The following NPR3 variants were observed in gnomAD, a reference collection of about 807,000 sequenced individuals.
NPR3 encodes the protein atrial natriuretic peptide receptor 3.
In NPR3, 34 loss-of-function variants were observed where a neutral mutation model predicts 54.5. The observed-to-expected ratio is 0.62, with a 90% CI of 0.47 to 0.83. The LOEUF (loss-of-function observed/expected upper bound fraction) is 0.83. NPR3 is among the 40% of genes least tolerant of loss of function. The pLI is 0.00. For synonymous variants in NPR3, 289 were observed against 297.1 expected (o/e 0.97, Z 0.28); for missense variants, 674 against 720.8 (o/e 0.94, Z 0.74).
chr5:32,701,452 T>A (rs1737795916), intron 1 of NPR3, among the ~76,000 whole-genome samples: 1 of 152,250 alleles, frequency 6.6e-6, no homozygotes, highest in African/African-American at 2.4e-5. Flanking sequence ...TCAAAACAGC[T>A]ATTTTGAATT....
At chr5:32,748,418 T>C (rs1740409945) in intron 3 of NPR3, among the ~76,000 whole-genome samples, 2 of 141,164 alleles carry the variant, frequency 1.4e-5, no homozygotes, top group African/African-American at 5.3e-5. Context: ...AAGCCAGAGA[T>C]TAGCAACAGC....
chr5:32,713,449 T>G (rs1738374269), intron 1 of NPR3: 2 of 985,320 alleles, frequency 2.0e-6, no homozygotes, highest in Non-Finnish European at 1.2e-6. Flanking sequence ...GGGTAGAATC[T>G]GAGGGAAGGC....
intron 1 of NPR3, among the ~76,000 whole-genome samples, chr5:32,722,223 C>T (rs767103616): frequency 6.6e-5 from 10 of 152,238 alleles, no homozygotes; most frequent in Non-Finnish European, 1.5e-4. Context: ...GGTCCTTGGA[C>T]CCTGGCTGTT....
intron 1 of NPR3, among the ~76,000 whole-genome samples, chr5:32,699,930 A>G (rs533481010): frequency 6.6e-6 from 1 of 152,182 alleles, no homozygotes; most frequent in South Asian, 2.1e-4. Context: ...AAAATCTTTA[A>G]TTTTCTTTCA....
intron 1 of NPR3, among the ~76,000 whole-genome samples, chr5:32,721,575 A>T (rs1361337164): frequency 2.0e-5 from 3 of 152,100 alleles, no homozygotes; most frequent in Non-Finnish European, 4.4e-5. Flanking sequence ...AGCCCAGGAG[A>T]TGGAGGTTGC....
At chr5:32,760,116 T>C (rs1741077809) in intron 3 of NPR3, among the ~76,000 whole-genome samples, 1 of 150,334 alleles carries the variant, frequency 6.7e-6, no homozygotes, top group Admixed American at 6.8e-5. Context: ...TATTCTTCTG[T>C]TGATGGATGT....
chr5:32,772,329 T>TA (rs529225523), intron 3 of NPR3, among the ~76,000 whole-genome samples: 143 of 152,320 alleles, frequency 9.4e-4, no homozygotes, highest in Middle Eastern at 3.4e-3. Flanking sequence ...AACCTCCACT[T>TA]AACAGATGAG....
intron 1 of NPR3, among the ~76,000 whole-genome samples, chr5:32,720,675 A>C (rs571541629): frequency 1.1e-4 from 17 of 152,332 alleles, no homozygotes; most frequent in African/African-American, 3.8e-4. Context: ...AATGCGACCC[A>C]AAATTAATAT....
chr5:32,728,699 GA>G (rs1387837779), intron 2 of NPR3, among the ~76,000 whole-genome samples: 1 of 150,954 alleles, frequency 6.6e-6, no homozygotes, highest in Non-Finnish European at 1.5e-5. Flanking sequence ...CTTCTATAAT[GA>G]AATAATTTCA....
At position 32,788,438 on chromosome 5, in the gene NPR3, CTT is replaced by C. The variant is rs1742745942; in HGVS notation, c.*2094_*2095del. On this transcript the variant is annotated 3_prime_UTR_variant, in exon 8 of 8. Transcript: ENST00000265074. ...CATCTTACTTACTTGAATTGGAGAGCTTGTTTCTCTCTCATTTTTATTTTTCA... is the reference window on the plus strand; with the variant it reads ...CATCTTACTTACTTGAATTGGAGAGCGTTTCTCTCTCATTTTTATTTTTCA... The C allele has an allele frequency of 6.6e-6, 1 of 152,122 alleles. No individual in the cohort carries two copies. The highest frequency in any genetic ancestry group is 1.5e-5 in the Non-Finnish European group (1 of 68,020). 9.4% of individuals were successfully genotyped at this position (152,122 alleles called of 1,614,324 possible).
chr5:32,710,583 C>T, upstream of NPR3: 3 of 1,386,680 alleles, frequency 2.2e-6, no homozygotes, highest in South Asian at 3.5e-5. Context: ...CTGCGTGGCC[C>T]AGGGGGAGGG....
chr5:32,729,036 T>TTTTTTTTTTG (rs1739316742), intron 2 of NPR3, among the ~76,000 whole-genome samples: 3 of 10,252 alleles, frequency 2.9e-4, no homozygotes, highest in Non-Finnish European at 5.3e-4. Flanking sequence ...TTTTGTTTTG[T>TTTTTTTTTTG]TTTTTTTTTT....
chr5:32,745,710 A>G (rs761268721), intron 3 of NPR3, among the ~76,000 whole-genome samples: 1 of 152,186 alleles, frequency 6.6e-6, no homozygotes. Flanking sequence ...ACCTGCCCAA[A>G]TACACACTTG....
chr5:32,766,916 A>G (rs1741499192), intron 3 of NPR3, among the ~76,000 whole-genome samples: 2 of 152,190 alleles, frequency 1.3e-5, no homozygotes, highest in Non-Finnish European at 1.5e-5. Flanking sequence ...TGTTGGTTTA[A>G]AGACCAGGTT....
Position 32,786,546 on chromosome 5 carries a change from A to T in NPR3, c.*201A>T. 3.5e-6 allele frequency: 2 copies of T among 563,834 alleles called. No individual in the cohort carries two copies. The highest frequency in any genetic ancestry group is 2.4e-5 in the South Asian group (1 of 41,906). 34.9% of individuals were successfully genotyped at this position (563,834 alleles called of 1,614,324 possible). A position where few individuals can be genotyped will look rare whatever the true frequency, so the allele number is the denominator to read the frequency against. On this transcript the variant is annotated 3_prime_UTR_variant, in exon 8 of 8. Transcript: ENST00000265074. ...CTCCAGGCCTTTCATCTCATGACAAACAAATATAATAATGATATCGTGTCA... is the reference window on the plus strand; with the variant it reads ...CTCCAGGCCTTTCATCTCATGACAATCAAATATAATAATGATATCGTGTCA...
At chr5:32,772,394 G>C (rs1741814642) in intron 3 of NPR3, among the ~76,000 whole-genome samples, 2 of 151,772 alleles carry the variant, frequency 1.3e-5, no homozygotes, top group Admixed American at 6.6e-5. Context: ...CTGGACTGTG[G>C]GTCCAGCCAG....
chr5:32,737,890 C>A (rs920452755), intron 2 of NPR3, among the ~76,000 whole-genome samples: 1 of 151,884 alleles, frequency 6.6e-6, no homozygotes, highest in Non-Finnish European at 1.5e-5. Flanking sequence ...AATGTTTTTA[C>A]GCATATAAAG....
chr5:32,735,302 C>T (rs1060559), intron 2 of NPR3, among the ~76,000 whole-genome samples: 18,718 of 152,106 alleles, frequency 0.12, 1,405 homozygotes, highest in African/African-American at 0.2. Context: ...TTCCTTTTCT[C>T]TTTGGCGTCA....
chr5:32,749,773 A>T lies in NPR3; in HGVS notation c.1059+10743A>T, dbSNP rs146092696. On this transcript the variant is annotated intron_variant, in intron 3 of 7. Transcript: ENST00000265074. ...CACCCAATCTTCAGCTATGCCTGGT[A>T]CCTTCCTGTTCAGATCTTCTTGGCT... is the stretch of plus-strand genomic sequence containing the variant. Among the ~76,000 whole-genome samples the T allele has an allele frequency of 3.2e-3, 492 of 152,256 alleles. 7 individuals are homozygous for T. The highest frequency in any genetic ancestry group is 0.024 in the Admixed American group (367 of 15,290).
Sources: gnomAD v4.1 joint callset for allele counts (sites outside exome capture counted in the v4.1 genomes callset) on GRCh38, gnomAD v4.1.1 for gene constraint, MANE v1.5 for transcripts, NCBI Gene and HGNC (gene_info 2026-07-23, HGNC 2026-07-21) for gene names.